The following NTN1 variants were observed in gnomAD, a reference collection of about 807,000 sequenced individuals.
NTN1 encodes the protein netrin-1.
In NTN1, 11 loss-of-function variants were observed where a neutral mutation model predicts 54.2. The ratio of observed to expected loss-of-function variants is 0.20; its 90% CI spans 0.13 to 0.34. The LOEUF is 0.34. Among genes scored for constraint, NTN1 ranks in the 10% least tolerant of loss-of-function variants. The pLI is 1.00. For synonymous variants in NTN1, 371 were observed against 382.0 expected, an observed-to-expected ratio of 0.97 and a Z score of 0.33; for missense variants, 740 against 893.1, an observed-to-expected ratio of 0.83 and a Z score of 2.18.
chr17:9,057,077 G>A lies in NTN1; in HGVS notation c.1018+33686G>A, dbSNP rs575768270. ...TCAGTGTGGAAAACAGGCAAAACTC[G>A]GGCTGCTTTGGCTGAAGAAGGTGTT... On this transcript the variant is annotated intron_variant, in intron 2 of 6. Coordinates refer to ENST00000173229, the MANE Select transcript of NTN1 (RefSeq NM_004822.3). Among the ~76,000 whole-genome samples the A allele has an allele frequency of 9.2e-5, 14 of 152,126 alleles. No homozygotes were observed. In the South Asian group the frequency reaches 2.7e-3, roughly 29 times the overall value.
intron 5 of NTN1, among the ~76,000 whole-genome samples, chr17:9,215,986 G>A (rs1034875857): frequency 6.6e-6 from 1 of 152,096 alleles, no homozygotes; most frequent in African/African-American, 2.4e-5. Context: ...TTAGAGACAG[G>A]GTTTTACTCT....
chr17:9,012,950 G>A, the NTN1 span, among the ~76,000 whole-genome samples: 2 of 152,134 alleles, frequency 1.3e-5, no homozygotes, highest in Non-Finnish European at 2.9e-5. Flanking sequence ...TTAATTTCAA[G>A]TAAATCAGAA....
the NTN1 span, among the ~76,000 whole-genome samples, chr17:9,016,232 G>A: frequency 7.2e-5 from 11 of 151,950 alleles, no homozygotes; most frequent in African/African-American, 1.7e-4. Context: ...GTCAGTCTTC[G>A]TCTCTGCCCC....
chr17:9,112,855 C>G (rs1163706713), intron 2 of NTN1, among the ~76,000 whole-genome samples: 2 of 151,358 alleles, frequency 1.3e-5, no homozygotes, highest in African/African-American at 2.4e-5. Flanking sequence ...CACCCCACCC[C>G]CTTCCACAGT....
At chr17:9,088,547 CGGAT>C (rs1253899217) in intron 2 of NTN1, among the ~76,000 whole-genome samples, 1 of 152,122 alleles carries the variant, frequency 6.6e-6, no homozygotes, top group Non-Finnish European at 1.5e-5. Context: ...TTGCCACAGA[CGGAT>C]GGGTGGATGG....
chr17:9,213,259 A>C (rs2142348588), intron 5 of NTN1, among the ~76,000 whole-genome samples: 1 of 152,376 alleles, frequency 6.6e-6, no homozygotes, highest in East Asian at 1.9e-4. Flanking sequence ...GGGGCCAGGC[A>C]GTGCCTGTGT....
At chr17:9,157,026 C>T (rs189999035) in intron 2 of NTN1, among the ~76,000 whole-genome samples, 9 of 150,656 alleles carry the variant, frequency 6.0e-5, no homozygotes, top group Non-Finnish European at 8.9e-5. Context: ...TCTATCCATC[C>T]GTCCATCCAT....
Position 9,022,477 on chromosome 17 carries a change from C to T in NTN1, c.104C>T (p.Ala35Val), listed in dbSNP as rs1286646502. The T allele has an allele frequency of 3.3e-6, 5 of 1,525,420 alleles. No individual in the cohort carries two copies. In the East Asian group the frequency reaches 7.5e-5, roughly 23 times the overall value. 94.5% of individuals were successfully genotyped at this position (1,525,420 alleles called of 1,614,324 possible). A position where few individuals can be genotyped will look rare whatever the true frequency, so the allele number is the denominator to read the frequency against. Reference sequence around the variant, plus strand: ...GGGCTCAGCATGTTCGCGGGCCAGGCGGCGCAGCCCGATCCCTGCTCGGAC... The same window carrying T: ...GGGCTCAGCATGTTCGCGGGCCAGGTGGCGCAGCCCGATCCCTGCTCGGAC... ...GPGLSMFAGQ[A>V]AQPDPCSDEN... Residue 35 changes from alanine (A) to valine (V), a missense_variant, in exon 2 of 7, where the codon GCG becomes GTG. Ala to Val is a moderately conservative substitution (Grantham distance 64). Transcript: ENST00000173229.
At chr17:9,005,360 T>C in the NTN1 span, among the ~76,000 whole-genome samples, 2 of 152,132 alleles carry the variant, frequency 1.3e-5, no homozygotes, top group Non-Finnish European at 2.9e-5. Flanking sequence ...TGAGCCAGAA[T>C]GGATTTCATG....
intron 2 of NTN1, among the ~76,000 whole-genome samples, chr17:9,081,185 C>T (rs1032955762): frequency 2.1e-4 from 32 of 152,178 alleles, no homozygotes; most frequent in African/African-American, 7.5e-4. Context: ...TGGAGGACAC[C>T]CAGCTGGTGT....
chr17:9,139,781 A>G (rs2092291974), intron 2 of NTN1, among the ~76,000 whole-genome samples: 1 of 151,626 alleles, frequency 6.6e-6, no homozygotes. Flanking sequence ...ACATCCATCT[A>G]CCTACCTACC....
chr17:9,009,785 T>C, the NTN1 span, among the ~76,000 whole-genome samples: 2 of 152,154 alleles, frequency 1.3e-5, no homozygotes, highest in Admixed American at 6.5e-5. Flanking sequence ...ATGACTTTTT[T>C]CCCCCGCCTA....
intron 2 of NTN1, among the ~76,000 whole-genome samples, chr17:9,041,033 A>C (rs1259253015): frequency 6.6e-6 from 1 of 152,156 alleles, no homozygotes; most frequent in East Asian, 1.9e-4. Context: ...AGCTGATCTT[A>C]AACTCCTGGG....
chr17:9,214,017 T>C (rs993731646), intron 5 of NTN1, among the ~76,000 whole-genome samples: 36 of 152,142 alleles, frequency 2.4e-4, no homozygotes, highest in African/African-American at 8.4e-4. Context: ...CTTTTTTTTT[T>C]CTTTTAGTTT....
rs1906283624 is a variant in NTN1 at position 9,243,262 on chromosome 17, G to A, written c.*3294G>A. The stretch of plus-strand genomic sequence containing the variant: ...TATGTGGGAGGGAGGGACACCTGGG[G>A]TCACAACCCAGGGAGGGAGGGTCAC... On this transcript the variant is annotated 3_prime_UTR_variant, in exon 7 of 7. Coordinates refer to ENST00000173229, the MANE Select transcript of NTN1 (RefSeq NM_004822.3). 1.3e-5 allele frequency: 2 copies of A among 151,734 alleles called. No homozygotes were observed. Among genetic ancestry groups the A allele is most frequent in the Admixed American group, 1.3e-4 (2 of 15,244 alleles). 9.4% of individuals were successfully genotyped at this position (151,734 alleles called of 1,614,324 possible). A position where few individuals can be genotyped will look rare whatever the true frequency, so the allele number is the denominator to read the frequency against.
chr17:9,079,156 G>A (rs1169211155), intron 2 of NTN1, among the ~76,000 whole-genome samples: 1 of 152,216 alleles, frequency 6.6e-6, no homozygotes, highest in Non-Finnish European at 1.5e-5. Flanking sequence ...GCAGCCCAGA[G>A]CTGAGGTTGT....
intron 2 of NTN1, among the ~76,000 whole-genome samples, chr17:9,078,892 G>A (rs2092060484): frequency 1.3e-5 from 2 of 152,170 alleles, no homozygotes; most frequent in Non-Finnish European, 1.5e-5. Context: ...CCCTTTCTAC[G>A]CTTCTCTTTT....
Position 9,022,979 on chromosome 17 carries a change from G to A in NTN1, c.606G>A (p.Val202=). 6.2e-7 allele frequency: 1 copy of A among 1,610,592 alleles called. No individual in the cohort carries two copies. Among genetic ancestry groups the A allele is most frequent in the East Asian group, 2.2e-5 (1 of 44,648 alleles). Residue 202 remains valine, a synonymous_variant, in exon 2 of 7, where the codon GTG becomes GTA. Coordinates refer to ENST00000173229, the MANE Select transcript of NTN1 (RefSeq NM_004822.3). ...PITKQNEQEA[V]CTDSHTDMRP... is the part of the protein sequence containing the mutation. ...CCAAGCAGAACGAGCAGGAGGCCGT[G>A]TGCACCGACTCGCACACCGACATGC...
chr17:9,223,085 G>A (rs936045887), intron 6 of NTN1, among the ~76,000 whole-genome samples: 2 of 152,170 alleles, frequency 1.3e-5, no homozygotes, highest in African/African-American at 4.8e-5. Context: ...CCCTTCAGGG[G>A]TCTACAGTCA....
Sources: allele counts gnomAD v4.1 joint callset (sites outside exome capture counted in the v4.1 genomes callset), GRCh38; gene constraint gnomAD v4.1.1; transcripts MANE v1.5; gene names NCBI Gene and HGNC (gene_info 2026-07-23, HGNC 2026-07-21).